Variants in DNAH6 observed in about 807,000 individuals in gnomAD.
DNAH6 encodes dynein axonemal heavy chain 6, also known as axonemal beta dynein heavy chain 6.
DNAH6 carries 340 observed loss-of-function variants against 491.4 expected under a neutral mutation model. The ratio of observed to expected loss-of-function variants is 0.69; its 90% CI spans 0.63 to 0.76. DNAH6 has a LOEUF of 0.76. Ranked by LOEUF, DNAH6 falls within the 30% of genes least tolerant of loss-of-function variation. The pLI is 0.00. For synonymous variants in DNAH6, 1,603 were observed against 1,686.1 expected (o/e 0.95, Z 1.21); for missense variants, 4,443 against 4,972.2 (o/e 0.89, Z 3.20).
intron 10 of DNAH6, among the ~76,000 whole-genome samples, chr2:84,556,466 G>T (rs1327476577): frequency 6.6e-6 from 1 of 152,136 alleles, no homozygotes; most frequent in African/African-American, 2.4e-5. Context: ...TTATACTGTT[G>T]TCTGATATAC....
At chr2:84,463,675 T>C in the DNAH6 span, among the ~76,000 whole-genome samples, 1 of 152,180 alleles carries the variant, frequency 6.6e-6, no homozygotes, top group South Asian at 2.1e-4. Flanking sequence ...GTCAGGAGAC[T>C]CAGCAGTCTG....
chr2:84,549,897 G>T lies in DNAH6; in HGVS notation c.1325G>T (p.Arg442Leu), dbSNP rs145235960. ...HYCMRLTCFIRLNDYLIENTM... is the reference protein window; with the variant it reads ...HYCMRLTCFILLNDYLIENTM... ...TTTTTTTTCTTTTCAAGCTTTATTC[G>T]TCTAAACGACTATCTAATTGAGAAC... The change falls in exon 9 of 77, where the codon CGT becomes CTT. Residue 442 changes from arginine (R) to leucine (L), a missense_variant. By Grantham distance (102) the Arg-to-Leu change is moderately radical. This residue lies in a region of DNAH6 where 2,977 missense variants were observed against 3,296.6 expected (regional missense o/e 0.90). Coordinates refer to ENST00000389394, the MANE Select transcript of DNAH6 (RefSeq NM_001370.2). 3 of 1,593,266 alleles carry T rather than the reference G, an allele frequency of 1.9e-6. No homozygotes were observed. The South Asian group carries it at 3.5e-5, about 18-fold the overall frequency.
At position 84,549,905 on chromosome 2, in the gene DNAH6, G is replaced by A. The variant is rs868542430; in HGVS notation, c.1333G>A (p.Asp445Asn). The stretch of plus-strand genomic sequence containing the variant: ...CTTTTCAAGCTTTATTCGTCTAAAC[G>A]ACTATCTAATTGAGAACACAATGCA... Reference protein sequence around the residue: ...MRLTCFIRLNDYLIENTMHIL... With the variant: ...MRLTCFIRLNNYLIENTMHIL... The change falls in exon 9 of 77, where the codon GAC becomes AAC. Residue 445 changes from aspartate (D) to asparagine (N), a missense_variant. Coordinates refer to ENST00000389394, the MANE Select transcript of DNAH6 (RefSeq NM_001370.2). 5.0e-6 allele frequency: 8 copies of A among 1,600,356 alleles called. No individual in the cohort carries two copies. The highest frequency in any genetic ancestry group is 1.7e-4 in the Middle Eastern group (1 of 6,004).
At chr2:84,616,122 A>G (rs1686831161) in intron 22 of DNAH6, among the ~76,000 whole-genome samples, 1 of 151,934 alleles carries the variant, frequency 6.6e-6, no homozygotes, top group South Asian at 2.1e-4. Flanking sequence ...TCTATTTTGG[A>G]GAATATTCTG....
chr2:84,726,434 C>T (rs1698638292), intron 60 of DNAH6, among the ~76,000 whole-genome samples: 2 of 152,182 alleles, frequency 1.3e-5, no homozygotes, highest in African/African-American at 4.8e-5. Flanking sequence ...CATTCAGGCT[C>T]TGCTCAGCTT....
the DNAH6 span, among the ~76,000 whole-genome samples, chr2:84,504,897 G>C: frequency 6.6e-6 from 1 of 152,158 alleles, no homozygotes; most frequent in Non-Finnish European, 1.5e-5. Flanking sequence ...TTTTATAAAA[G>C]ACAGTTGTAG....
intron 34 of DNAH6, among the ~76,000 whole-genome samples, 156 bp from the exon 35 acceptor site, chr2:84,654,504 T>A (rs1477593293): frequency 6.6e-6 from 1 of 152,220 alleles, no homozygotes; most frequent in East Asian, 1.9e-4. Context: ...CCTCCATTTC[T>A]AATTACTTAT....
chr2:84,808,049 T>A (rs1679597211), intron 71 of DNAH6, among the ~76,000 whole-genome samples: 1 of 151,770 alleles, frequency 6.6e-6, no homozygotes, highest in South Asian at 2.1e-4. Context: ...GCTGGGAAGA[T>A]GAAAATACCC....
Position 84,694,484 on chromosome 2 carries a change from T to C in DNAH6, c.7524+4T>C, listed in dbSNP as rs1695190221. 1 of 1,546,616 alleles carries C rather than the reference T, an allele frequency of 6.5e-7. No individual in the cohort carries two copies. Among genetic ancestry groups the C allele is most frequent in the Admixed American group, 2.0e-5 (1 of 50,982 alleles). ...TTTCCTTTTCACTGACACCCAGGTG[T>C]GTGTTTAAATAGCCCATGGGTGAGA... On this transcript the variant is annotated splice_donor_region_variant and intron_variant, in intron 46 of 76. Coordinates refer to ENST00000389394, the MANE Select transcript of DNAH6 (RefSeq NM_001370.2).
At chr2:84,478,045 G>T in the DNAH6 span, among the ~76,000 whole-genome samples, 1 of 152,128 alleles carries the variant, frequency 6.6e-6, no homozygotes, top group African/African-American at 2.4e-5. Flanking sequence ...ACAGGCTTCC[G>T]GGGCTGATGA....
chr2:84,609,899 C>A (rs149148685), intron 21 of DNAH6, among the ~76,000 whole-genome samples: 12 of 152,026 alleles, frequency 7.9e-5, no homozygotes, highest in Non-Finnish European at 1.5e-4. Context: ...ACAAAGCATG[C>A]CCATATTATT....
intron 63 of DNAH6, among the ~76,000 whole-genome samples, chr2:84,746,136 A>C (rs139262792): frequency 2.0e-5 from 3 of 152,364 alleles, no homozygotes; most frequent in Non-Finnish European, 4.4e-5. Flanking sequence ...AGTGGTTAGC[A>C]GTCTGAAAGT....
At chr2:84,772,210 A>G (rs1675692469) in intron 64 of DNAH6, among the ~76,000 whole-genome samples, 1 of 152,174 alleles carries the variant, frequency 6.6e-6, no homozygotes, top group Non-Finnish European at 1.5e-5. Flanking sequence ...CTAAAAATAT[A>G]TACAATATAG....
the DNAH6 span, among the ~76,000 whole-genome samples, chr2:84,477,576 C>T: frequency 2.0e-5 from 3 of 152,156 alleles, no homozygotes; most frequent in Admixed American, 1.3e-4. Context: ...CATGGTTTCC[C>T]TTCTTCCCTA....
intron 32 of DNAH6, among the ~76,000 whole-genome samples, chr2:84,641,633 C>A (rs558882458): frequency 6.6e-6 from 1 of 152,180 alleles, no homozygotes; most frequent in Admixed American, 6.5e-5. Flanking sequence ...ATATTCTGGG[C>A]AGGGAGAAAA....
intron 42 of DNAH6, among the ~76,000 whole-genome samples, chr2:84,682,616 C>T (rs1693890657): frequency 6.6e-6 from 1 of 152,198 alleles, no homozygotes; most frequent in Non-Finnish European, 1.5e-5. Flanking sequence ...TTGCTTTTCC[C>T]CTCCACCTTG....
chr2:84,702,449 A>G (rs1696000969), intron 49 of DNAH6, among the ~76,000 whole-genome samples: 1 of 152,058 alleles, frequency 6.6e-6, no homozygotes, highest in Non-Finnish European at 1.5e-5. Flanking sequence ...CAATATAGAT[A>G]TTTAAATTTT....
At chr2:84,686,340 G>GTTAA (rs1694255289) in intron 43 of DNAH6, 144 bp from the exon 44 acceptor site, 1 of 556,782 alleles carries the variant, frequency 1.8e-6, no homozygotes, top group Non-Finnish European at 3.2e-6. Flanking sequence ...GCGGCATGGA[G>GTTAA]TTAACACAGT....
chr2:84,778,958 G>C (rs925823923), intron 64 of DNAH6, among the ~76,000 whole-genome samples: 6 of 152,202 alleles, frequency 3.9e-5, no homozygotes, highest in Non-Finnish European at 8.8e-5. Context: ...GTGGTTTTGA[G>C]AGATCATGGT....
Sources: allele counts gnomAD v4.1 joint callset (sites outside exome capture counted in the v4.1 genomes callset), GRCh38; gene constraint gnomAD v4.1.1; regional missense constraint gnomAD v4.1.1; transcripts MANE v1.5; gene names NCBI Gene and HGNC (gene_info 2026-07-23, HGNC 2026-07-21).